APTX: variants seen among roughly 807,000 people sequenced by gnomAD.
The protein encoded by APTX is aprataxin.
APTX carries 33 observed loss-of-function variants against 42.3 expected under a neutral mutation model. The observed-to-expected ratio is 0.78, with a 90% CI of 0.59 to 1.04. The LOEUF (loss-of-function observed/expected upper bound fraction) is 1.04. APTX is among the 50% of genes least tolerant of loss of function. The pLI, the probability that APTX is intolerant of heterozygous loss-of-function variation, is 0.00. For missense variants in APTX, 421 were observed against 415.1 expected, an observed-to-expected ratio of 1.01 and a Z score of -0.12; for synonymous variants, 130 against 146.7, an observed-to-expected ratio of 0.89 and a Z score of 0.82.
chr9:32,986,156 T>C (rs773515255), intron 4 of APTX, 126 bp from the exon 5 acceptor site: 31 of 920,292 alleles, frequency 3.4e-5, no homozygotes, highest in Non-Finnish European at 5.0e-5. Context: ...GGAAATAAGC[T>C]TAGTTTTTGA....
intron 1 of APTX, among the ~76,000 whole-genome samples, chr9:32,995,895 A>AG (rs1834779103): frequency 6.6e-6 from 1 of 151,742 alleles, no homozygotes. Flanking sequence ...CTCAAAAAAA[A>AG]AAAAAAAAAG....
At chr9:32,985,571 G>C (rs183062013) in intron 5 of APTX, among the ~76,000 whole-genome samples, 2 of 152,064 alleles carry the variant, frequency 1.3e-5, no homozygotes, top group African/African-American at 4.8e-5. Context: ...CCTGACCTCA[G>C]GTGATCCTCC....
chr9:33,011,958 A>G (rs1419249388), intron 1 of APTX, among the ~76,000 whole-genome samples: 1 of 152,142 alleles, frequency 6.6e-6, no homozygotes. Flanking sequence ...CATTTTCCTG[A>G]GCATGGTTTG....
chr9:32,983,994 A>G (rs1831298381), intron 6 of APTX, among the ~76,000 whole-genome samples: 1 of 152,222 alleles, frequency 6.6e-6, no homozygotes, highest in South Asian at 2.1e-4. Context: ...GATGACTAAA[A>G]TGTAAATTTT....
At chr9:32,996,278 C>CTTTTTTT in intron 1 of APTX, among the ~76,000 whole-genome samples, 1 of 142,880 alleles carries the variant, frequency 7.0e-6, no homozygotes, top group Non-Finnish European at 1.5e-5. Context: ...ATAAATCGCT[C>CTTTTTTT]TTTTTTTTTT....
chr9:33,004,368 C>T (rs1182910779), upstream of APTX, among the ~76,000 whole-genome samples: 2 of 152,172 alleles, frequency 1.3e-5, no homozygotes, highest in Non-Finnish European at 2.9e-5. Context: ...CAGACTTCAC[C>T]ATTATACACT....
At chr9:32,996,551 G>A (rs1834992264) in intron 1 of APTX, among the ~76,000 whole-genome samples, 1 of 152,108 alleles carries the variant, frequency 6.6e-6, no homozygotes, top group South Asian at 2.1e-4. Flanking sequence ...CGGATTACAG[G>A]TAGGAGCCAC....
chr9:32,974,694 T>C (rs1364831240), intron 6 of APTX, 133 bp from the exon 7 acceptor site: 4 of 656,292 alleles, frequency 6.1e-6, no homozygotes, highest in Admixed American at 2.3e-5. Context: ...ATTGAAGTGA[T>C]AGTGTGTCCA....
intron 6 of APTX, among the ~76,000 whole-genome samples, chr9:32,983,798 G>C (rs1303693028): frequency 6.6e-6 from 1 of 152,172 alleles, no homozygotes; most frequent in Non-Finnish European, 1.5e-5. Context: ...GAGGTACCTA[G>C]AGTAGTCAAA....
At chr9:32,982,495 T>C (rs778335285) in intron 6 of APTX, among the ~76,000 whole-genome samples, 3 of 152,236 alleles carry the variant, frequency 2.0e-5, no homozygotes, top group African/African-American at 7.2e-5. Flanking sequence ...TAATTTTTTA[T>C]ATTTTCTTAA....
chr9:33,015,639 G>A (rs973751925), intron 1 of APTX, among the ~76,000 whole-genome samples: 6 of 152,204 alleles, frequency 3.9e-5, no homozygotes, highest in African/African-American at 1.4e-4. Flanking sequence ...TTACAGGTGT[G>A]AGCCACCACG....
chr9:33,001,419 G>T (rs371703827), intron 1 of APTX, 148 bp downstream of exon 1: 1 of 1,540,642 alleles, frequency 6.5e-7, no homozygotes, highest in Non-Finnish European at 8.7e-7. Flanking sequence ...TAGTAACAGG[G>T]GAGGACGGAG....
intron 1 of APTX, among the ~76,000 whole-genome samples, chr9:33,010,218 T>A (rs1837440773): frequency 6.6e-6 from 1 of 152,180 alleles, no homozygotes; most frequent in African/African-American, 2.4e-5. Context: ...CAGCTCCTCT[T>A]ACTAGTCAAC....
chr9:33,005,422 TTTTTTGTTTTTTG>T (rs1837066121), upstream of APTX, among the ~76,000 whole-genome samples: 1 of 152,000 alleles, frequency 6.6e-6, no homozygotes, highest in South Asian at 2.1e-4. Flanking sequence ...GTGGTTTTAT[TTTTTTGTTTTTTG>T]TTTTTGTTTT....
At chr9:32,977,300 A>C (rs1305623641) in intron 6 of APTX, among the ~76,000 whole-genome samples, 1 of 152,058 alleles carries the variant, frequency 6.6e-6, no homozygotes, top group Non-Finnish European at 1.5e-5. Flanking sequence ...GGCCTGAGCA[A>C]CATAGTGAGA....
rs113391831 is a variant in APTX at position 32,988,141 on chromosome 9, T to G, written c.134-12A>C. The stretch of plus-strand genomic sequence containing the variant: ...TGCTTTCAACTGTACTGAAAGAGAT[T>G]GGAAAAAGTTAAACACAAATGCAAC... On this transcript the variant is annotated splice_polypyrimidine_tract_variant and intron_variant, in intron 2 of 7. Transcript: ENST00000379817. The G allele has an allele frequency of 2.7e-4, 443 of 1,613,786 alleles. 3 individuals are homozygous for G. The highest frequency in any genetic ancestry group is 1.5e-3 in the Middle Eastern group (9 of 6,062).
intron 1 of APTX, among the ~76,000 whole-genome samples, chr9:32,991,635 A>G (rs909168439): frequency 6.6e-6 from 1 of 152,068 alleles, no homozygotes; most frequent in African/African-American, 2.4e-5. Flanking sequence ...TACAAAAATT[A>G]GCCAGGTGTG....
intron 1 of APTX, 150 bp downstream of exon 1, chr9:33,001,415 CAG>C (rs775085150): frequency 1.8e-5 from 28 of 1,538,524 alleles, no homozygotes; most frequent in African/African-American, 2.7e-5. Context: ...AAGGTAGTAA[CAG>C]GGGAGGACGG....
At chr9:33,000,110 CTG>C (rs1289222396) in intron 1 of APTX, among the ~76,000 whole-genome samples, 1 of 152,154 alleles carries the variant, frequency 6.6e-6, no homozygotes, top group Non-Finnish European at 1.5e-5. Flanking sequence ...CACCTACTCG[CTG>C]TGTGACTTGA....
Sources: allele counts gnomAD v4.1 joint callset (sites outside exome capture counted in the v4.1 genomes callset), GRCh38; gene constraint gnomAD v4.1.1; transcripts MANE v1.5; gene names NCBI Gene and HGNC (gene_info 2026-07-23, HGNC 2026-07-21).